The following TRPM7 variants were observed in gnomAD, a reference collection of about 807,000 sequenced individuals.
TRPM7 encodes LTRPC ion channel family member 7.
In TRPM7, 134 loss-of-function variants were observed where a neutral mutation model predicts 229.7. That is an observed-to-expected ratio of 0.58 (90% confidence interval 0.51 to 0.67). TRPM7 has a LOEUF of 0.67. TRPM7 is among the 30% of genes least tolerant of loss of function. The probability of loss-of-function intolerance (pLI) is 0.00; values close to 1 mark genes in which losing one functional copy is unlikely to be tolerated. For missense variants in TRPM7, 1,901 were observed against 2,210.0 expected (o/e 0.86, Z 2.80); for synonymous variants, 699 against 715.2 (o/e 0.98, Z 0.36).
chr15:50,638,048 C>T (rs562267616), intron 6 of TRPM7, among the ~76,000 whole-genome samples: 1 of 152,186 alleles, frequency 6.6e-6, no homozygotes, highest in African/African-American at 2.4e-5. Flanking sequence ...GAAACCCCAT[C>T]TCTACTAAAA....
At chr15:50,673,707 T>G (rs1490120998) in intron 1 of TRPM7, among the ~76,000 whole-genome samples, 1 of 152,186 alleles carries the variant, frequency 6.6e-6, no homozygotes, top group Non-Finnish European at 1.5e-5. Flanking sequence ...GTTCCACATT[T>G]TTGCAATTAT....
At chr15:50,663,637 A>C (rs2061794155) in intron 1 of TRPM7, among the ~76,000 whole-genome samples, 2 of 152,190 alleles carry the variant, frequency 1.3e-5, no homozygotes, top group South Asian at 4.1e-4. Flanking sequence ...AAAAACCTTA[A>C]GAGGGGCTGG....
intron 27 of TRPM7, chr15:50,588,395 A>G: frequency 2.2e-5 from 3 of 137,216 alleles, no homozygotes; most frequent in Non-Finnish European, 4.8e-5. Context: ...AATAGATATT[A>G]AATTAAGTTA....
chr15:50,594,468 A>T lies in TRPM7; in HGVS notation c.3436T>A (p.Cys1146Ser), dbSNP rs1346320331. The change falls in exon 24 of 39, where the codon TGT (cysteine) becomes AGT (serine). Residue 1146 changes from cysteine (C) to serine (S), a missense_variant. Around this residue, in one of 8 missense-constraint regions of TRPM7, gnomAD observed 533 missense variants for 497.1 expected, o/e 1.07. Coordinates refer to ENST00000646667, the MANE Select transcript of TRPM7 (RefSeq NM_017672.6). ...GTCTTATCTTTCTTTCTTCTCTTAC[A>T]TATGCAGCAAAACAGAGAAACTATA... ...SHIVSLFCCI[C>S]KRRKKDKTSD... 2.5e-6 allele frequency: 4 copies of T among 1,612,620 alleles called. No homozygotes were observed.
rs543986867 is a variant in TRPM7, at chr15:50,617,117, C to G, written c.1494+2628G>C. Among the ~76,000 whole-genome samples the G allele has an allele frequency of 8.1e-5, 12 of 148,858 alleles. No individual in the cohort carries two copies. In the Admixed American group the frequency reaches 8.2e-4, roughly 10 times the overall value. On this transcript the variant is annotated intron_variant, in intron 13 of 38. Coordinates refer to ENST00000646667, the MANE Select transcript of TRPM7 (RefSeq NM_017672.6). Reference sequence around the variant, plus strand: ...CCAGCCTGGCCAACATGATGAAACCCCATCTCTACCAAAAAAATAAATAAA... The same window carrying G: ...CCAGCCTGGCCAACATGATGAAACCGCATCTCTACCAAAAAAATAAATAAA...
chr15:50,600,878 T>C (rs1474180498), intron 21 of TRPM7, among the ~76,000 whole-genome samples: 1 of 152,242 alleles, frequency 6.6e-6, no homozygotes, highest in African/African-American at 2.4e-5. Flanking sequence ...TCTTTTTAAA[T>C]TAAGAGCTGG....
At chr15:50,655,177 T>G (rs549332478) in intron 3 of TRPM7, among the ~76,000 whole-genome samples, 3 of 142,984 alleles carry the variant, frequency 2.1e-5, no homozygotes, top group Non-Finnish European at 4.8e-5. Context: ...GGCTCACGCC[T>G]GTAATCCCAG....
At position 50,575,215 on chromosome 15, in the gene TRPM7, T is replaced by C. The variant is rs1566943158; in HGVS notation, c.4736-80A>G. ...AAAGTAAAATAAAAATTAGCAGGCATCTTTGATTAAGGAACAGAAGATAAA... is the reference window on the plus strand; with the variant it reads ...AAAGTAAAATAAAAATTAGCAGGCACCTTTGATTAAGGAACAGAAGATAAA... On this transcript the variant is annotated intron_variant, in intron 33 of 38. Transcript: ENST00000646667. 86 of 1,276,714 alleles carry C rather than the reference T, an allele frequency of 6.7e-5. No individual in the cohort carries two copies. In the South Asian group the frequency reaches 1.2e-3, roughly 18 times the overall value. 79.1% of individuals were successfully genotyped at this position (1,276,714 alleles called of 1,614,324 possible). A position where few individuals can be genotyped will look rare whatever the true frequency, so the allele number is the denominator to read the frequency against.
chr15:50,600,934 T>G (rs1310026112), intron 21 of TRPM7, among the ~76,000 whole-genome samples: 2 of 152,224 alleles, frequency 1.3e-5, no homozygotes, highest in Non-Finnish European at 2.9e-5. Flanking sequence ...AATTCTTAAT[T>G]GGGTGTTCTT....
intron 3 of TRPM7, among the ~76,000 whole-genome samples, chr15:50,652,166 C>T (rs147063248): frequency 6.6e-6 from 1 of 150,884 alleles, no homozygotes; most frequent in Non-Finnish European, 1.5e-5. Context: ...AATCCTGTCT[C>T]TACTAAAAAT....
intron 3 of TRPM7, among the ~76,000 whole-genome samples, chr15:50,652,922 G>C (rs2061465195): frequency 6.6e-6 from 1 of 152,188 alleles, no homozygotes; most frequent in Non-Finnish European, 1.5e-5. Context: ...AGCACTTTGA[G>C]AGGCCAAAGT....
chr15:50,588,859 A>G (rs1192517695), intron 27 of TRPM7, among the ~76,000 whole-genome samples: 1 of 152,224 alleles, frequency 6.6e-6, no homozygotes, highest in African/African-American at 2.4e-5. Context: ...TTATTTAACA[A>G]ACATTTATCA....
intron 38 of TRPM7, among the ~76,000 whole-genome samples, chr15:50,567,426 A>G (rs1458652720): frequency 1.3e-5 from 2 of 152,172 alleles, no homozygotes; most frequent in African/African-American, 4.8e-5. Context: ...GGTAGGGACA[A>G]TATCAATTCT....
At chr15:50,631,832 T>C (rs1002027118) in intron 9 of TRPM7, among the ~76,000 whole-genome samples, 2 of 152,140 alleles carry the variant, frequency 1.3e-5, no homozygotes, top group African/African-American at 4.8e-5. Context: ...ATAGATTCCT[T>C]ATCAGGGTAA....
intron 13 of TRPM7, among the ~76,000 whole-genome samples, chr15:50,617,875 T>C (rs2060272790): frequency 6.6e-6 from 1 of 152,002 alleles, no homozygotes; most frequent in African/African-American, 2.4e-5. Flanking sequence ...CCCAGGCTGG[T>C]CTCAAACCCC....
At position 50,611,079 on chromosome 15, in the gene TRPM7, T is replaced by C. The variant is rs368190697; in HGVS notation, c.2280+14A>G. On this transcript the variant is annotated intron_variant, in intron 17 of 38. Transcript: ENST00000646667. ...TAATCACATGCTTTATATCAAATTA[T>C]TTCTAAAGTATACCTTGTACCAGGA... 12 of 1,572,056 alleles carry C rather than the reference T, an allele frequency of 7.6e-6. No individual in the cohort carries two copies. The highest frequency in any genetic ancestry group is 1.0e-5 in the Non-Finnish European group (12 of 1,143,612).
At chr15:50,574,740 A>G (rs761945002) in intron 34 of TRPM7, 21 bp from the exon 35 acceptor site, 2 of 1,602,108 alleles carry the variant, frequency 1.2e-6, no homozygotes, top group South Asian at 2.2e-5. Flanking sequence ...GAGGGTGGGG[A>G]GAACCCTTGT....
At chr15:50,592,875 C>T (rs776760520) in intron 25 of TRPM7, among the ~76,000 whole-genome samples, 5 of 152,066 alleles carry the variant, frequency 3.3e-5, no homozygotes, top group Non-Finnish European at 7.4e-5. Flanking sequence ...TTCCAATTAC[C>T]CCACATCAAA....
Position 50,643,384 on chromosome 15 carries a change from G to A in TRPM7, c.491C>T (p.Ala164Val). ...TAAAATCCAGGCTCCAGTTGTAACT[G>A]CAGCTTTAATAAGACCTTTTCCAAG... ...QLLGKGLIKAAVTTGAWILTG... is the reference protein window; with the variant it reads ...QLLGKGLIKAVVTTGAWILTG... Residue 164 changes from alanine (A) to valine (V), a missense_variant, in exon 5 of 39, where the codon GCA becomes GTA. Around this residue, in one of 8 missense-constraint regions of TRPM7, gnomAD observed 794 missense variants for 881.9 expected, o/e 0.90. Coordinates refer to ENST00000646667, the MANE Select transcript of TRPM7 (RefSeq NM_017672.6). The A allele has an allele frequency of 1.2e-6, 2 of 1,614,126 alleles. No individual in the cohort carries two copies. The highest frequency in any genetic ancestry group is 1.7e-6 in the Non-Finnish European group (2 of 1,180,014).
Sources: allele counts gnomAD v4.1 joint callset (sites outside exome capture counted in the v4.1 genomes callset), GRCh38; gene constraint gnomAD v4.1.1; regional missense constraint gnomAD v4.1.1; transcripts MANE v1.5; gene names NCBI Gene and HGNC (gene_info 2026-07-23, HGNC 2026-07-21).